WDR70: variants seen among roughly 807,000 people sequenced by gnomAD.
WDR70 encodes the protein WD repeat domain 70.
In WDR70, 53 loss-of-function variants were observed where a neutral mutation model predicts 88.6. The ratio of observed to expected loss-of-function variants is 0.60; its 90% confidence interval spans 0.48 to 0.75. The LOEUF (loss-of-function observed/expected upper bound fraction) is 0.75. Among genes scored for constraint, WDR70 ranks in the 30% least tolerant of loss-of-function variants. The pLI, the probability that WDR70 is intolerant of heterozygous loss-of-function variation, is 0.00. For missense variants in WDR70, 610 were observed against 823.2 expected (o/e 0.74, Z 3.17); for synonymous variants, 280 against 270.0 (o/e 1.04, Z -0.36).
rs538216781 is a variant in WDR70 at position 37,391,890 on chromosome 5, C to G, written c.176-110C>G. The G allele has an allele frequency of 6.7e-5, 84 of 1,254,802 alleles. No homozygotes were observed. The African/African-American group carries it at 1.2e-3, about 18-fold the overall frequency. The allele number at this position is 1,254,802 out of a possible 1,614,324, so 77.7% of individuals were successfully genotyped here. ...TAATTTTTTGCTGTTACTGCTAACA[C>G]TCTAAGTTATATCTTTGTGACTATG... On this transcript the variant is annotated intron_variant, in intron 3 of 17. Coordinates refer to ENST00000265107, the MANE Select transcript of WDR70 (RefSeq NM_018034.4).
chr5:37,503,115 C>T (rs987995670), intron 8 of WDR70, among the ~76,000 whole-genome samples: 3 of 152,028 alleles, frequency 2.0e-5, no homozygotes, highest in Admixed American at 1.3e-4. Flanking sequence ...TTGATTTTTG[C>T]GTGTGTGTTC....
intron 6 of WDR70, among the ~76,000 whole-genome samples, chr5:37,439,614 TTGGCTTAACTC>T (rs1464850674): frequency 1.4e-5 from 2 of 142,186 alleles, no homozygotes; most frequent in East Asian, 4.4e-4. Context: ...AATTATACTC[TTGGCTTAACTC>T]TTTTTTTTTT....
intron 3 of WDR70, among the ~76,000 whole-genome samples, chr5:37,389,946 C>T (rs1040717416): frequency 6.6e-6 from 1 of 152,144 alleles, no homozygotes; most frequent in African/African-American, 2.4e-5. Context: ...TATTCCTCAT[C>T]CTCCATGTCC....
intron 5 of WDR70, among the ~76,000 whole-genome samples, chr5:37,431,869 GT>G (rs1750314169): frequency 6.6e-6 from 1 of 152,166 alleles, no homozygotes; most frequent in South Asian, 2.1e-4. Context: ...CATCTGTGTT[GT>G]AGCATGTGTC....
At chr5:37,585,982 A>G (rs564343734) in intron 9 of WDR70, among the ~76,000 whole-genome samples, 2 of 152,308 alleles carry the variant, frequency 1.3e-5, no homozygotes, top group East Asian at 3.9e-4. Flanking sequence ...TATATCAGAT[A>G]TCAGATCATT....
chr5:37,569,483 T>C (rs1742839612), intron 9 of WDR70, among the ~76,000 whole-genome samples: 1 of 152,246 alleles, frequency 6.6e-6, no homozygotes, highest in South Asian at 2.1e-4. Context: ...TTAATGTCCT[T>C]TGATAATAGC....
intron 17 of WDR70, among the ~76,000 whole-genome samples, chr5:37,748,836 C>T (rs754804414): frequency 2.5e-4 from 38 of 152,090 alleles, no homozygotes; most frequent in Non-Finnish European, 4.4e-4. Flanking sequence ...GTCGTTTATG[C>T]GGCCAAGAAA....
intron 8 of WDR70, among the ~76,000 whole-genome samples, chr5:37,483,000 T>C (rs1739719241): frequency 6.6e-6 from 1 of 151,184 alleles, no homozygotes. Flanking sequence ...GCGATGATCA[T>C]GCTTGTGAAT....
intron 10 of WDR70, among the ~76,000 whole-genome samples, chr5:37,638,059 T>A (rs1561932670): frequency 6.6e-6 from 1 of 152,156 alleles, no homozygotes; most frequent in Non-Finnish European, 1.5e-5. Context: ...TGCCAAGACT[T>A]CTGTATTCTC....
intron 13 of WDR70, among the ~76,000 whole-genome samples, chr5:37,706,556 G>T (rs1747328017): frequency 6.6e-6 from 1 of 152,092 alleles, no homozygotes; most frequent in Non-Finnish European, 1.5e-5. Flanking sequence ...CTGCTCTCTT[G>T]CCTGCCACCA....
chr5:37,528,898 T>C (rs1374063408), intron 9 of WDR70, among the ~76,000 whole-genome samples: 2 of 137,936 alleles, frequency 1.4e-5, no homozygotes, highest in Non-Finnish European at 3.1e-5. Flanking sequence ...TAAGCCAATG[T>C]CTAGAGGGGG....
At position 37,556,987 on chromosome 5, in the gene WDR70, G is replaced by T. The variant is rs185564636; in HGVS notation, c.917+40397G>T. On this transcript the variant is annotated intron_variant, in intron 9 of 17. Coordinates refer to ENST00000265107, the MANE Select transcript of WDR70 (RefSeq NM_018034.4). ...TTAGTATTAAGGAGTAATATGGAGG[G>T]GTTTCACTGGGCTTAATATTTCGTT... Among the ~76,000 whole-genome samples the T allele has an allele frequency of 3.1e-3, 474 of 152,208 alleles. 1 individual carries two copies. Among genetic ancestry groups the T allele is most frequent in the African/African-American group, 0.011 (446 of 41,530 alleles).
intron 5 of WDR70, among the ~76,000 whole-genome samples, chr5:37,426,795 C>CTTTT (rs3038670): frequency 2.1e-4 from 30 of 144,156 alleles, no homozygotes; most frequent in African/African-American, 6.1e-4. Context: ...AATCTAGGTT[C>CTTTT]TTTTTTTTTT....
intron 8 of WDR70, among the ~76,000 whole-genome samples, chr5:37,498,503 A>C (rs961709300): frequency 9.2e-5 from 14 of 152,158 alleles, no homozygotes; most frequent in Non-Finnish European, 1.9e-4. Context: ...ATTACATACA[A>C]ATTTACAGAT....
intron 17 of WDR70, 140 bp from the exon 18 acceptor site, chr5:37,752,346 G>C (rs1272055107): frequency 6.7e-6 from 4 of 601,416 alleles, no homozygotes; most frequent in Non-Finnish European, 1.2e-5. Context: ...TTCTTTGCCA[G>C]AAGTTTAATG....
chr5:37,586,337 A>G (rs192746502), intron 9 of WDR70, among the ~76,000 whole-genome samples: 13 of 152,310 alleles, frequency 8.5e-5, no homozygotes, highest in South Asian at 2.1e-4. Context: ...GCTCTTGTCT[A>G]TTAAATCCTG....
chr5:37,668,073 G>A (rs1745916664), intron 10 of WDR70, among the ~76,000 whole-genome samples: 1 of 151,992 alleles, frequency 6.6e-6, no homozygotes, highest in Non-Finnish European at 1.5e-5. Flanking sequence ...AACAAACAAA[G>A]CAAAACAAAA....
chr5:37,718,691 A>C (rs191998950), intron 13 of WDR70, among the ~76,000 whole-genome samples: 1 of 152,294 alleles, frequency 6.6e-6, no homozygotes. Context: ...CTCATGGAGT[A>C]ATGATTTTAA....
At chr5:37,622,160 A>G (rs1016446816) in intron 10 of WDR70, among the ~76,000 whole-genome samples, 1 of 152,186 alleles carries the variant, frequency 6.6e-6, no homozygotes, top group Non-Finnish European at 1.5e-5. Context: ...ATCACTGGCC[A>G]TCAGAGAAAT....
Sources: allele counts gnomAD v4.1 joint callset (sites outside exome capture counted in the v4.1 genomes callset), GRCh38; gene constraint gnomAD v4.1.1; transcripts MANE v1.5; gene names NCBI Gene and HGNC (gene_info 2026-07-23, HGNC 2026-07-21).